The following DGKB variants were observed in gnomAD, a reference collection of about 807,000 sequenced individuals.
The protein encoded by DGKB is diacylglycerol kinase beta, also known as 90 kDa diacylglycerol kinase.
A neutral mutation model predicts 114.3 loss-of-function variants in DGKB; 67 were observed. The observed-to-expected ratio is 0.59, with a 90% CI of 0.48 to 0.72. The LOEUF (loss-of-function observed/expected upper bound fraction) is 0.72, where lower values mean the gene tolerates loss of function less well. Among genes scored for constraint, DGKB ranks in the 30% least tolerant of loss-of-function variants. DGKB has a pLI of 0.00. For missense variants in DGKB, 907 were observed against 975.2 expected, an observed-to-expected ratio of 0.93 and a Z score of 0.93; for synonymous variants, 398 against 323.1, an observed-to-expected ratio of 1.23 and a Z score of -2.49.
intron 21 of DGKB, among the ~76,000 whole-genome samples, chr7:14,379,561 A>AT (rs1240367703): frequency 6.6e-6 from 1 of 151,368 alleles, no homozygotes; most frequent in Admixed American, 6.6e-5. Context: ...TTTTTATTTT[A>AT]TTTTTTATTG....
chr7:14,852,400 G>A (rs924438643), intron 1 of DGKB, among the ~76,000 whole-genome samples: 8 of 140,524 alleles, frequency 5.7e-5, no homozygotes, highest in African/African-American at 2.1e-4. Context: ...AATAAGGAAG[G>A]GCTTTGGTAG....
intron 13 of DGKB, among the ~76,000 whole-genome samples, chr7:14,657,813 C>T (rs1394379523): frequency 6.6e-6 from 1 of 151,862 alleles, no homozygotes; most frequent in Non-Finnish European, 1.5e-5. Flanking sequence ...ATCTCCCACC[C>T]TCCTTGAATT....
intron 23 of DGKB, among the ~76,000 whole-genome samples, chr7:14,321,699 G>C (rs1266105136): frequency 6.6e-6 from 1 of 151,858 alleles, no homozygotes; most frequent in Non-Finnish European, 1.5e-5. Context: ...AAGTCCAACA[G>C]TCTATAGATA....
At chr7:14,226,794 A>G (rs936902229) in intron 23 of DGKB, among the ~76,000 whole-genome samples, 9 of 152,076 alleles carry the variant, frequency 5.9e-5, no homozygotes, top group African/African-American at 2.2e-4. Flanking sequence ...TAAGATTGCA[A>G]TTCATGTTTG....
chr7:14,943,267 A>G (rs1185502673), intron 1 of DGKB, among the ~76,000 whole-genome samples: 1 of 151,968 alleles, frequency 6.6e-6, no homozygotes, highest in Non-Finnish European at 1.5e-5. Flanking sequence ...ATAATGAAAA[A>G]AATCATGTTC....
At chr7:14,838,338 T>C (rs116215036) in intron 2 of DGKB, among the ~76,000 whole-genome samples, 4,074 of 152,272 alleles carry the variant, frequency 0.027, 173 homozygotes, top group African/African-American at 0.092. Context: ...ATAGCAATAA[T>C]TTATATATTT....
intron 23 of DGKB, chr7:14,192,233 A>G (rs188036561): frequency 6.9e-4 from 140 of 203,644 alleles, no homozygotes; most frequent in African/African-American, 3.1e-3. Context: ...CTCCACCAAA[A>G]ACTAGTCAAA....
intron 21 of DGKB, among the ~76,000 whole-genome samples, chr7:14,368,571 C>CTG (rs1313900555): frequency 2.9e-5 from 3 of 103,820 alleles, no homozygotes; most frequent in African/African-American, 1.1e-4. Flanking sequence ...ACGGTATTTT[C>CTG]TCTGTGTGTG....
At chr7:14,852,099 A>G (rs796786193) in intron 1 of DGKB, among the ~76,000 whole-genome samples, 3 of 152,256 alleles carry the variant, frequency 2.0e-5, no homozygotes, top group African/African-American at 4.8e-5. Flanking sequence ...AGTAACTACA[A>G]CAAGTTACTT....
chr7:14,167,667 T>C (rs1764604702), intron 25 of DGKB, among the ~76,000 whole-genome samples: 1 of 152,170 alleles, frequency 6.6e-6, no homozygotes, highest in Non-Finnish European at 1.5e-5. Context: ...CACCAAGTTT[T>C]CAGACAGGCA....
intron 21 of DGKB, among the ~76,000 whole-genome samples, chr7:14,363,212 A>C (rs1816062621): frequency 6.6e-6 from 1 of 152,166 alleles, no homozygotes; most frequent in African/African-American, 2.4e-5. Context: ...AAAGCCACTA[A>C]GTGTTAGTCT....
At chr7:14,350,902 T>C (rs958172311) in intron 21 of DGKB, among the ~76,000 whole-genome samples, 2 of 152,160 alleles carry the variant, frequency 1.3e-5, no homozygotes, top group African/African-American at 4.8e-5. Flanking sequence ...TCAGAAATCC[T>C]ATCTTTTTTA....
chr7:14,326,291 T>A (rs964402945), intron 23 of DGKB, among the ~76,000 whole-genome samples: 2 of 152,098 alleles, frequency 1.3e-5, no homozygotes, highest in African/African-American at 4.8e-5. Flanking sequence ...TTTGCTCTTT[T>A]TTTTTCCTTG....
At chr7:14,334,839 A>G (rs1353220661) in intron 23 of DGKB, among the ~76,000 whole-genome samples, 6 of 152,182 alleles carry the variant, frequency 3.9e-5, no homozygotes, top group Admixed American at 3.9e-4. Context: ...AAGGTCGAAT[A>G]TTAACGCTAG....
At chr7:14,319,231 T>C (rs1190076589) in intron 23 of DGKB, among the ~76,000 whole-genome samples, 1 of 151,648 alleles carries the variant, frequency 6.6e-6, no homozygotes, top group Non-Finnish European at 1.5e-5. Context: ...GGCACATGTA[T>C]ACGTATGTAA....
At chr7:14,551,467 G>C (rs538284854) in intron 20 of DGKB, among the ~76,000 whole-genome samples, 1 of 152,068 alleles carries the variant, frequency 6.6e-6, no homozygotes, top group African/African-American at 2.4e-5. Context: ...GTTTCTTCTC[G>C]CAGTGCTGAC....
chr7:14,938,325 A>C (rs987399734), intron 1 of DGKB, among the ~76,000 whole-genome samples: 7 of 152,236 alleles, frequency 4.6e-5, no homozygotes, highest in African/African-American at 1.4e-4. Context: ...ATACAGAGCA[A>C]GTAAGAAGAG....
chr7:14,730,806 G>C (rs1830798171), intron 5 of DGKB, among the ~76,000 whole-genome samples: 1 of 152,116 alleles, frequency 6.6e-6, no homozygotes, highest in Non-Finnish European at 1.5e-5. Context: ...CTTCACTAAA[G>C]CAACTCTGCT....
At chr7:14,402,569 G>C (rs1482278864) in intron 21 of DGKB, among the ~76,000 whole-genome samples, 1 of 151,834 alleles carries the variant, frequency 6.6e-6, no homozygotes, top group Non-Finnish European at 1.5e-5. Context: ...ATGACAATAT[G>C]AAATTTATGA....
Sources: gnomAD v4.1 joint callset for allele counts (sites outside exome capture counted in the v4.1 genomes callset) on GRCh38, gnomAD v4.1.1 for gene constraint, MANE v1.5 for transcripts, NCBI Gene and HGNC (gene_info 2026-07-23, HGNC 2026-07-21) for gene names.